ADAMTS12: variants seen among roughly 807,000 people sequenced by gnomAD.
ADAMTS12 encodes A disintegrin and metalloproteinase with thrombospondin motifs 12.
In ADAMTS12, 118 loss-of-function variants were observed where a neutral mutation model predicts 167.8. The ratio of observed to expected loss-of-function variants is 0.70; its 90% confidence interval spans 0.61 to 0.82. The LOEUF (loss-of-function observed/expected upper bound fraction) is 0.82. ADAMTS12 is among the 40% of genes least tolerant of loss of function. ADAMTS12 has a pLI of 0.00. For synonymous variants in ADAMTS12, 704 were observed against 716.9 expected, an observed-to-expected ratio of 0.98 and a Z score of 0.29; for missense variants, 1,916 against 1,998.8, an observed-to-expected ratio of 0.96 and a Z score of 0.79.
chr5:33,644,018 G>T (rs35388476), intron 9 of ADAMTS12, among the ~76,000 whole-genome samples: 21,058 of 152,228 alleles, frequency 0.14, 1,874 homozygotes, highest in Non-Finnish European at 0.2. Context: ...GATAAAGGAA[G>T]GTTGGCAGGA....
chr5:33,588,531 A>C (rs1747470763), intron 18 of ADAMTS12, 68 bp downstream of exon 18: 2 of 1,575,162 alleles, frequency 1.3e-6, no homozygotes, highest in South Asian at 1.1e-5. Context: ...GGATTGGATA[A>C]TGAGAAGGAA....
chr5:33,595,754 T>C (rs1274395018), intron 17 of ADAMTS12, among the ~76,000 whole-genome samples, 180 bp downstream of exon 17: 3 of 152,234 alleles, frequency 2.0e-5, no homozygotes, highest in African/African-American at 7.2e-5. Context: ...TGGGAGAATA[T>C]GTCCTCACAG....
chr5:33,654,947 G>A (rs2112203652), intron 7 of ADAMTS12, among the ~76,000 whole-genome samples: 1 of 150,238 alleles, frequency 6.7e-6, no homozygotes, highest in Admixed American at 6.7e-5. Context: ...TTCCAAGTCT[G>A]GCATATATGA....
chr5:33,540,789 A>G (rs1464723258), intron 22 of ADAMTS12, among the ~76,000 whole-genome samples: 1 of 152,174 alleles, frequency 6.6e-6, no homozygotes, highest in Non-Finnish European at 1.5e-5. Flanking sequence ...TAGCATCAAC[A>G]TCAACAAAAA....
intron 2 of ADAMTS12, among the ~76,000 whole-genome samples, chr5:33,811,325 T>C (rs1440323718): frequency 6.6e-6 from 1 of 152,152 alleles, no homozygotes; most frequent in Non-Finnish European, 1.5e-5. Context: ...AAAATATATA[T>C]AGTTTTTTAG....
Position 33,849,434 on chromosome 5 carries a change from A to ATATATATATGTATT in ADAMTS12, c.489+31684_489+31685insAATACATATATATA, listed in dbSNP as rs1232342230. ...ACAGCAATATATATATGTATTGAAT[A>ATATATATATGTATT]GCAATATATATATGTATTGCACAGC... On this transcript the variant is annotated intron_variant, in intron 2 of 23. Coordinates refer to ENST00000504830, the MANE Select transcript of ADAMTS12 (RefSeq NM_030955.4). 1.4e-3 allele frequency among the ~76,000 whole-genome samples: 179 copies of ATATATATATGTATT among 129,534 alleles called. 14 individuals are homozygous for ATATATATATGTATT. The highest frequency in any genetic ancestry group is 0.012 in the East Asian group (35 of 3,022). 85.0% of individuals were successfully genotyped at this position (129,534 alleles called of 152,430 possible). A position where few individuals can be genotyped will look rare whatever the true frequency, so the allele number is the denominator to read the frequency against.
intron 16 of ADAMTS12, among the ~76,000 whole-genome samples, chr5:33,601,581 C>T (rs1738191623): frequency 6.6e-6 from 1 of 152,204 alleles, no homozygotes; most frequent in South Asian, 2.1e-4. Context: ...TTTCATACTT[C>T]TGTGATGTAA....
intron 22 of ADAMTS12, among the ~76,000 whole-genome samples, chr5:33,545,410 G>A (rs1294207138): frequency 6.6e-6 from 1 of 152,200 alleles, no homozygotes; most frequent in East Asian, 1.9e-4. Flanking sequence ...TACGCTGTTG[G>A]TGGGAGTGTA....
intron 2 of ADAMTS12, among the ~76,000 whole-genome samples, chr5:33,771,103 C>T (rs925722630): frequency 6.6e-6 from 1 of 152,082 alleles, no homozygotes; most frequent in African/African-American, 2.4e-5. Context: ...AATTTCAGTT[C>T]CCTGATGGGT....
chr5:33,713,106 AAAG>A (rs143226421), intron 3 of ADAMTS12, among the ~76,000 whole-genome samples: 18,423 of 152,198 alleles, frequency 0.12, 1,540 homozygotes, highest in Non-Finnish European at 0.18. Context: ...ATGTTTCTGA[AAAG>A]AAGAAGACGT....
At chr5:33,621,525 T>C (rs1254212257) in intron 14 of ADAMTS12, among the ~76,000 whole-genome samples, 1 of 152,294 alleles carries the variant, frequency 6.6e-6, no homozygotes, top group South Asian at 2.1e-4. Flanking sequence ...CTTATCCAAC[T>C]GTTTTTGTGG....
intron 2 of ADAMTS12, among the ~76,000 whole-genome samples, chr5:33,849,272 A>T (rs529863309): frequency 1.8e-5 from 2 of 111,554 alleles, no homozygotes; most frequent in Admixed American, 9.9e-5. Context: ...ATTGCATAGC[A>T]ATATATATAT....
intron 16 of ADAMTS12, among the ~76,000 whole-genome samples, chr5:33,607,444 G>A (rs533612408): frequency 4.6e-5 from 7 of 152,218 alleles, no homozygotes; most frequent in Non-Finnish European, 7.4e-5. Flanking sequence ...AAAGAATCCC[G>A]AAGACCTGAA....
intron 2 of ADAMTS12, among the ~76,000 whole-genome samples, chr5:33,775,063 C>T (rs980126951): frequency 1.9e-4 from 29 of 152,186 alleles, no homozygotes; most frequent in African/African-American, 6.0e-4. Context: ...GTTTTTAAAG[C>T]TCCCCAGGTC....
chr5:33,871,610 C>T (rs1316867927), intron 2 of ADAMTS12, among the ~76,000 whole-genome samples: 2 of 151,246 alleles, frequency 1.3e-5, no homozygotes, highest in African/African-American at 4.9e-5. Flanking sequence ...ACATTAGATT[C>T]AATGAGAAAA....
intron 7 of ADAMTS12, among the ~76,000 whole-genome samples, chr5:33,651,841 G>C (rs1740877027): frequency 1.3e-5 from 2 of 152,066 alleles, no homozygotes; most frequent in African/African-American, 4.8e-5. Context: ...ATTTCCCTCT[G>C]TATGTCTATA....
chr5:33,691,922 G>T (rs1422800941), intron 3 of ADAMTS12, among the ~76,000 whole-genome samples: 1 of 152,214 alleles, frequency 6.6e-6, no homozygotes, highest in African/African-American at 2.4e-5. Context: ...TGTCTAAATA[G>T]ATCTGGGCTA....
rs1462180947 is a variant in ADAMTS12, at chr5:33,667,736, C to T, written c.916-5696G>A. 2.0e-5 allele frequency among the ~76,000 whole-genome samples: 3 copies of T among 152,092 alleles called. No individual in the cohort carries two copies. In the East Asian group the frequency reaches 5.8e-4, roughly 29 times the overall value. On this transcript the variant is annotated intron_variant, in intron 5 of 23. Transcript: ENST00000504830. ...CTATCTTCTAAAAATAAGTAGATAA[C>T]TAAGAATCTCCTCAGTTCTCAGCCA...
chr5:33,590,496 T>G (rs1353723618), intron 17 of ADAMTS12, among the ~76,000 whole-genome samples: 1 of 152,196 alleles, frequency 6.6e-6, no homozygotes, highest in Non-Finnish European at 1.5e-5. Context: ...CACTCTTCTG[T>G]ATGAGGACAT....
Sources: gnomAD v4.1 joint callset for allele counts (sites outside exome capture counted in the v4.1 genomes callset) on GRCh38, gnomAD v4.1.1 for gene constraint, MANE v1.5 for transcripts, NCBI Gene and HGNC (gene_info 2026-07-23, HGNC 2026-07-21) for gene names.